ZNF638: variants seen among roughly 807,000 people sequenced by gnomAD.
ZNF638 encodes the protein zinc finger protein 638, also known as CTCL tumor antigen se33-1.
ZNF638 carries 46 observed loss-of-function variants against 195.6 expected under a neutral mutation model. The ratio of observed to expected loss-of-function variants is 0.24; its 90% CI spans 0.19 to 0.30. ZNF638 has a LOEUF of 0.30. ZNF638 is among the 10% of genes least tolerant of loss of function. The pLI, the probability that ZNF638 is intolerant of heterozygous loss-of-function variation, is 1.00. For missense variants in ZNF638, 2,440 were observed against 2,325.3 expected, an observed-to-expected ratio of 1.05 and a Z score of -1.01; for synonymous variants, 845 against 772.0, an observed-to-expected ratio of 1.09 and a Z score of -1.57.
rs564875147 is a variant in ZNF638, at chr2:71,344,653, G to A, written c.-202-4100G>A. Among the ~76,000 whole-genome samples the A allele has an allele frequency of 8.3e-4, 127 of 152,160 alleles. 1 individual carries two copies. Among genetic ancestry groups the A allele is most frequent in the African/African-American group, 3.0e-3 (123 of 41,462 alleles). ...AACATTTAAAAAACTGTCTTGAATG[G>A]CCTGATACTTAATCTTGTAATTTTA... On this transcript the variant is annotated intron_variant, in intron 1 of 27. Transcript: ENST00000264447.
In ZNF638 at chr2:71,365,624, G is replaced by T. The variant is rs139747916; in HGVS notation, c.1913G>T (p.Arg638Leu). ...SDSNLGGHSI[R>L]CKSKNLEDDT... ...TCAAATCTAGGAGGACATTCTATTC[G>T]TTGTAAATCAAAGAATCTTGAAGAT... The change falls in exon 6 of 28, where the codon CGT becomes CTT. Residue 638 changes from arginine to leucine, a missense_variant. Transcript: ENST00000264447. 6.6e-5 allele frequency: 107 copies of T among 1,614,052 alleles called. No individual in the cohort carries two copies. The Middle Eastern group carries it at 4.1e-3, about 62-fold the overall frequency.
intron 3 of ZNF638, among the ~76,000 whole-genome samples, chr2:71,360,333 C>T (rs143481483): frequency 3.3e-5 from 5 of 152,194 alleles, no homozygotes; most frequent in African/African-American, 4.8e-5. Context: ...CATGTATCTC[C>T]GAAGTATTAG....
chr2:71,332,329 A>G (rs1039982342), intron 1 of ZNF638, among the ~76,000 whole-genome samples: 2 of 152,186 alleles, frequency 1.3e-5, no homozygotes, highest in African/African-American at 2.4e-5. Flanking sequence ...GGGCCCGAAG[A>G]GGCGGTGGAG....
chr2:71,355,110 AGGTG>A, intron 2 of ZNF638, among the ~76,000 whole-genome samples: 1 of 152,248 alleles, frequency 6.6e-6, no homozygotes, highest in South Asian at 2.1e-4. Context: ...CTGGGGCTAC[AGGTG>A]CCCGCCACAA....
chr2:71,343,050 A>G (rs1002047677), intron 1 of ZNF638, among the ~76,000 whole-genome samples: 5 of 152,156 alleles, frequency 3.3e-5, no homozygotes, highest in Admixed American at 2.6e-4. Context: ...TGTTATTTGA[A>G]ATCTCATTTG....
At chr2:71,393,561 G>C (rs1337227519) in intron 10 of ZNF638, 1 of 717,974 alleles carries the variant, frequency 1.4e-6, no homozygotes, top group Non-Finnish European at 2.6e-6. Context: ...TGCTGAAGAA[G>C]ACAACTTACA....
intron 20 of ZNF638, among the ~76,000 whole-genome samples, chr2:71,417,234 G>C (rs2080316112): frequency 6.6e-6 from 1 of 151,846 alleles, no homozygotes. Context: ...GGAGTGACCC[G>C]ATTTTCCAGG....
intron 8 of ZNF638, among the ~76,000 whole-genome samples, chr2:71,372,276 C>CT (rs932231549): frequency 2.0e-5 from 3 of 152,142 alleles, no homozygotes; most frequent in Non-Finnish European, 4.4e-5. Context: ...CCCTGGAGCA[C>CT]TTTAGCCCAT....
intron 15 of ZNF638, 55 bp downstream of exon 15, chr2:71,400,573 A>T (rs2079986675): frequency 2.0e-6 from 3 of 1,471,892 alleles, no homozygotes; most frequent in South Asian, 2.6e-5. Flanking sequence ...TTAACAAAAG[A>T]TATTTTTCTT....
chr2:71,387,757 A>T (rs2079674045), intron 10 of ZNF638, among the ~76,000 whole-genome samples: 1 of 152,222 alleles, frequency 6.6e-6, no homozygotes, highest in African/African-American at 2.4e-5. Flanking sequence ...TTAAGTGTGG[A>T]GAATATTTTT....
intron 1 of ZNF638, chr2:71,332,798 T>A (rs2078596220): frequency 6.6e-6 from 1 of 152,204 alleles, no homozygotes; most frequent in South Asian, 2.1e-4. Context: ...TACCTGAAGC[T>A]AATTTTTCTT....
chr2:71,391,847 A>T (rs768509125), intron 10 of ZNF638, among the ~76,000 whole-genome samples: 1 of 152,184 alleles, frequency 6.6e-6, no homozygotes, highest in Non-Finnish European at 1.5e-5. Flanking sequence ...GAAATTGAGG[A>T]AATAGACCAA....
At chr2:71,360,157 A>T (rs911900215) in intron 3 of ZNF638, among the ~76,000 whole-genome samples, 30 of 152,222 alleles carry the variant, frequency 2.0e-4, no homozygotes, top group Non-Finnish European at 3.2e-4. Context: ...GGCTTAAAAA[A>T]TTTTCAGAAT....
At chr2:71,393,667 A>G (rs1223631529) in intron 10 of ZNF638, 5 of 715,694 alleles carry the variant, frequency 7.0e-6, no homozygotes, top group Admixed American at 2.0e-5. Context: ...CTCACGTAGG[A>G]TCCTTTTTAT....
chr2:71,348,614 G>C, intron 1 of ZNF638, 139 bp from the exon 2 acceptor site: 4 of 1,219,500 alleles, frequency 3.3e-6, no homozygotes, highest in Non-Finnish European at 4.2e-6. Flanking sequence ...TTAAATCTTC[G>C]TAAGCCCTTA....
intron 10 of ZNF638, among the ~76,000 whole-genome samples, chr2:71,384,371 T>C (rs919249227): frequency 1.3e-5 from 2 of 152,252 alleles, no homozygotes; most frequent in African/African-American, 4.8e-5. Flanking sequence ...CCAAATTCTT[T>C]GGCTTTCCAT....
chr2:71,369,876 A>G lies in ZNF638; in HGVS notation c.2143-7A>G, dbSNP rs1272965498. The G allele has an allele frequency of 4.5e-6, 7 of 1,568,612 alleles. No individual in the cohort carries two copies. The highest frequency in any genetic ancestry group is 5.1e-6 in the Non-Finnish European group (6 of 1,165,330). On this transcript the variant is annotated splice_polypyrimidine_tract_variant and splice_region_variant and intron_variant, in intron 7 of 27. Transcript: ENST00000264447. Reference sequence around the variant, plus strand: ...TGTGACTAAAGATGGAATAAATTTCATTTTAGGCTTACCTAGAAATGGAAT... The same window carrying G: ...TGTGACTAAAGATGGAATAAATTTCGTTTTAGGCTTACCTAGAAATGGAAT...
At chr2:71,388,693 C>A (rs761012430) in intron 10 of ZNF638, 1 of 1,152,638 alleles carries the variant, frequency 8.7e-7, no homozygotes, top group South Asian at 1.2e-5. Flanking sequence ...ACGGAACCCC[C>A]GAAAATGAAG....
chr2:71,365,363 A>G, intron 5 of ZNF638, 66 bp from the exon 6 acceptor site: 3 of 1,286,234 alleles, frequency 2.3e-6, no homozygotes, highest in Non-Finnish European at 2.1e-6. Flanking sequence ...CTATGTGATT[A>G]TGTCATGAGA....
Sources: allele counts gnomAD v4.1 joint callset (sites outside exome capture counted in the v4.1 genomes callset), GRCh38; gene constraint gnomAD v4.1.1; transcripts MANE v1.5; gene names NCBI Gene and HGNC (gene_info 2026-07-23, HGNC 2026-07-21).